Variants in TENM3 observed in about 807,000 individuals in gnomAD.
TENM3 encodes teneurin-3.
A neutral mutation model predicts 255.1 loss-of-function variants in TENM3; 63 were observed. The ratio of observed to expected loss-of-function variants is 0.25; its 90% CI spans 0.20 to 0.30. TENM3 has a LOEUF of 0.30. Among genes scored for constraint, TENM3 ranks in the 10% least tolerant of loss-of-function variants. The probability of loss-of-function intolerance (pLI) is 1.00; values close to 1 mark genes in which losing one functional copy is unlikely to be tolerated. For missense variants in TENM3, 2,929 were observed against 3,461.1 expected (o/e 0.85, Z 3.86); for synonymous variants, 1,306 against 1,322.3 (o/e 0.99, Z 0.27).
At chr4:182,157,569 G>C (rs1478123188) in intron 1 of TENM3, among the ~76,000 whole-genome samples, 1 of 152,130 alleles carries the variant, frequency 6.6e-6, no homozygotes, top group Non-Finnish European at 1.5e-5. Flanking sequence ...CTCCACAAAA[G>C]GTTTGTGGCC....
intron 3 of TENM3, among the ~76,000 whole-genome samples, chr4:182,525,456 A>T (rs1281001057): frequency 6.6e-6 from 1 of 152,242 alleles, no homozygotes; most frequent in Non-Finnish European, 1.5e-5. Flanking sequence ...GCCAAAACAT[A>T]AAATTCAGCC....
the TENM3 span, among the ~76,000 whole-genome samples, chr4:181,754,008 T>C: frequency 1.3e-5 from 2 of 152,154 alleles, no homozygotes; most frequent in African/African-American, 4.8e-5. Context: ...AAGAAGCAAC[T>C]GTATGAGATT....
chr4:181,651,033 C>A, the TENM3 span, among the ~76,000 whole-genome samples: 1 of 152,282 alleles, frequency 6.6e-6, no homozygotes, highest in Admixed American at 6.5e-5. Context: ...TTCTATCAAG[C>A]ATGATGTGTG....
intron 3 of TENM3, among the ~76,000 whole-genome samples, chr4:182,538,856 G>A (rs992639818): frequency 6.6e-6 from 1 of 152,002 alleles, no homozygotes; most frequent in Admixed American, 6.6e-5. Context: ...CTGAAAGGGG[G>A]TATGCTAAAA....
At chr4:181,522,862 T>A in the TENM3 span, 1 of 984,344 alleles carries the variant, frequency 1.0e-6, no homozygotes, top group South Asian at 1.3e-5. Context: ...AAAGCTGGTG[T>A]TTGTGCTGTT....
chr4:181,627,447 T>G, the TENM3 span, among the ~76,000 whole-genome samples: 1 of 152,188 alleles, frequency 6.6e-6, no homozygotes, highest in Non-Finnish European at 1.5e-5. Flanking sequence ...TAACTCGTCA[T>G]TTACATTAGG....
At chr4:182,609,821 AG>A (rs35664536) in intron 4 of TENM3, among the ~76,000 whole-genome samples, 30,520 of 152,170 alleles carry the variant, frequency 0.2, 3,663 homozygotes, top group Non-Finnish European at 0.27. Context: ...CGACTTTATA[AG>A]GGTTCCTTAA....
rs541187080 is a variant in TENM3, at chr4:182,797,162, G to A, written c.7344+395G>A. ...TTTAAAAATTAACAGTGTTTTGGCC[G>A]AGTGAGGGGGCTCACGCCTGTAATC... On this transcript the variant is annotated intron_variant, in intron 27 of 27. Transcript: ENST00000511685. Among the ~76,000 whole-genome samples, 36 of 152,296 alleles carry A rather than the reference G, an allele frequency of 2.4e-4. 1 individual carries two copies. The highest frequency in any genetic ancestry group is 8.7e-4 in the African/African-American group (36 of 41,566).
At chr4:182,204,764 A>G (rs1050103377) in intron 1 of TENM3, among the ~76,000 whole-genome samples, 1 of 152,200 alleles carries the variant, frequency 6.6e-6, no homozygotes, top group African/African-American at 2.4e-5. Flanking sequence ...TTCATGAAAA[A>G]CAATGAAATG....
At chr4:182,506,229 G>C (rs141169607) in intron 3 of TENM3, among the ~76,000 whole-genome samples, 24 of 152,240 alleles carry the variant, frequency 1.6e-4, no homozygotes, top group African/African-American at 5.8e-4. Flanking sequence ...AAGCCCCTTT[G>C]ATTGTTTTTG....
chr4:181,974,775 C>G, the TENM3 span, among the ~76,000 whole-genome samples: 1 of 152,162 alleles, frequency 6.6e-6, no homozygotes, highest in Non-Finnish European at 1.5e-5. Flanking sequence ...CTTCTTCCCC[C>G]ACCCTCTTTC....
chr4:182,247,805 A>G (rs976905661), intron 1 of TENM3, among the ~76,000 whole-genome samples: 1 of 152,188 alleles, frequency 6.6e-6, no homozygotes, highest in Non-Finnish European at 1.5e-5. Flanking sequence ...ATACTTAACA[A>G]AATTTTATTG....
the TENM3 span, among the ~76,000 whole-genome samples, chr4:181,702,387 G>A: frequency 6.6e-6 from 1 of 152,170 alleles, no homozygotes; most frequent in Admixed American, 6.5e-5. Context: ...AAATTGGAAA[G>A]ATTGTTTTTT....
At chr4:182,097,063 G>C in the TENM3 span, among the ~76,000 whole-genome samples, 2 of 152,272 alleles carry the variant, frequency 1.3e-5, no homozygotes, top group African/African-American at 4.8e-5. Flanking sequence ...TATGGTGGGA[G>C]AGGGGGTTTG....
intron 3 of TENM3, among the ~76,000 whole-genome samples, chr4:182,399,619 C>A (rs1300610309): frequency 6.6e-6 from 1 of 152,184 alleles, no homozygotes; most frequent in Non-Finnish European, 1.5e-5. Context: ...AACAAGTTTT[C>A]CTCTGCAATC....
chr4:181,852,064 G>A, the TENM3 span, among the ~76,000 whole-genome samples: 1 of 152,156 alleles, frequency 6.6e-6, no homozygotes, highest in Non-Finnish European at 1.5e-5. Flanking sequence ...CTCAGGGCAC[G>A]TCTTTCCAGC....
the TENM3 span, among the ~76,000 whole-genome samples, chr4:181,928,099 C>CA: frequency 6.6e-6 from 1 of 152,010 alleles, no homozygotes; most frequent in African/African-American, 2.4e-5. Flanking sequence ...GCTGAAAATT[C>CA]AAAAAACCAG....
At chr4:182,621,292 G>A (rs1750111365) in intron 4 of TENM3, among the ~76,000 whole-genome samples, 1 of 151,984 alleles carries the variant, frequency 6.6e-6, no homozygotes, top group South Asian at 2.1e-4. Flanking sequence ...TAGTGCACAG[G>A]TGATTTGGCT....
chr4:182,767,175 A>G, intron 22 of TENM3, among the ~76,000 whole-genome samples: 1 of 152,178 alleles, frequency 6.6e-6, no homozygotes, highest in Non-Finnish European at 1.5e-5. Context: ...GATAATTGTT[A>G]AAATACATAA....
Sources: gnomAD v4.1 joint callset for allele counts (sites outside exome capture counted in the v4.1 genomes callset) on GRCh38, gnomAD v4.1.1 for gene constraint, MANE v1.5 for transcripts, NCBI Gene and HGNC (gene_info 2026-07-23, HGNC 2026-07-21) for gene names.